SH3PXD2A: variants seen among roughly 807,000 people sequenced by gnomAD.
SH3PXD2A encodes SH3 and PX domains 2A.
SH3PXD2A carries 32 observed loss-of-function variants against 115.2 expected under a neutral mutation model. The ratio of observed to expected loss-of-function variants is 0.28; its 90% confidence interval spans 0.21 to 0.37. SH3PXD2A has a LOEUF of 0.37. Among genes scored for constraint, SH3PXD2A ranks in the 10% least tolerant of loss-of-function variants. SH3PXD2A has a pLI of 1.00. For missense variants in SH3PXD2A, 1,328 were observed against 1,498.7 expected (o/e 0.89, Z 1.88); for synonymous variants, 610 against 629.1 (o/e 0.97, Z 0.45).
chr10:103,748,975 CT>C (rs376417666), intron 3 of SH3PXD2A, among the ~76,000 whole-genome samples: 275 of 146,442 alleles, frequency 1.9e-3, no homozygotes, highest in Non-Finnish European at 1.9e-3. Context: ...TTTCTTCTTT[CT>C]TTTTTTTTTT....
intron 6 of SH3PXD2A, among the ~76,000 whole-genome samples, chr10:103,684,008 C>T (rs2037644524): frequency 6.6e-6 from 1 of 152,246 alleles, no homozygotes; most frequent in African/African-American, 2.4e-5. Flanking sequence ...GGGAGGAGGC[C>T]TGCTGCCACT....
intron 1 of SH3PXD2A, among the ~76,000 whole-genome samples, chr10:103,821,359 C>T (rs1007463190): frequency 9.9e-5 from 15 of 152,142 alleles, no homozygotes. Flanking sequence ...GAACTCCAGA[C>T]CTCAAGTGAT....
At chr10:103,731,719 C>G (rs927354922) in intron 4 of SH3PXD2A, among the ~76,000 whole-genome samples, 1 of 152,166 alleles carries the variant, frequency 6.6e-6, no homozygotes, top group East Asian at 1.9e-4. Flanking sequence ...TTACTCTCCT[C>G]AAGGGGAGAG....
At chr10:103,606,050 G>A (rs972693352) in intron 13 of SH3PXD2A, 133 bp from the exon 14 acceptor site, 1 of 812,614 alleles carries the variant, frequency 1.2e-6, no homozygotes, top group Non-Finnish European at 2.0e-6. Flanking sequence ...GCTGGCCTGA[G>A]TACGTATCTA....
intron 5 of SH3PXD2A, among the ~76,000 whole-genome samples, chr10:103,719,848 T>C (rs1304094717): frequency 6.6e-6 from 1 of 151,526 alleles, no homozygotes; most frequent in East Asian, 1.9e-4. Context: ...GCCTCCCAAG[T>C]AGCTGGGATT....
At chr10:103,789,576 C>T (rs1344955354) in intron 2 of SH3PXD2A, among the ~76,000 whole-genome samples, 1 of 152,098 alleles carries the variant, frequency 6.6e-6, no homozygotes, top group African/African-American at 2.4e-5. Flanking sequence ...CTGGCCACCA[C>T]CAAAGATCCC....
At chr10:103,673,195 A>G (rs2037486776) in intron 6 of SH3PXD2A, 1 of 152,234 alleles carries the variant, frequency 6.6e-6, no homozygotes, top group Admixed American at 6.5e-5. Flanking sequence ...AACTGTTCCC[A>G]GTGAATTACA....
intron 5 of SH3PXD2A, among the ~76,000 whole-genome samples, chr10:103,696,205 G>A (rs2037822304): frequency 6.6e-6 from 1 of 152,238 alleles, no homozygotes; most frequent in South Asian, 2.1e-4. Context: ...CCTTCAGGGT[G>A]TCTGGCCTGC....
intron 11 of SH3PXD2A, among the ~76,000 whole-genome samples, chr10:103,615,098 A>G (rs1352545929): frequency 6.6e-6 from 1 of 152,256 alleles, no homozygotes; most frequent in East Asian, 1.9e-4. Flanking sequence ...TGAGCCAACA[A>G]CTACGGCTCA....
intron 2 of SH3PXD2A, among the ~76,000 whole-genome samples, chr10:103,772,235 C>A (rs553252738): frequency 6.6e-6 from 1 of 152,320 alleles, no homozygotes; most frequent in South Asian, 2.1e-4. Context: ...GAGGGCCAGG[C>A]AGGCTGCAAA....
At chr10:103,829,238 G>A (rs1306711240) in intron 1 of SH3PXD2A, among the ~76,000 whole-genome samples, 1 of 152,148 alleles carries the variant, frequency 6.6e-6, no homozygotes, top group African/African-American at 2.4e-5. Flanking sequence ...AGACAGGGTG[G>A]GGTGCAAACA....
At chr10:103,646,547 C>G (rs1259907054) in intron 8 of SH3PXD2A, among the ~76,000 whole-genome samples, 1 of 152,148 alleles carries the variant, frequency 6.6e-6, no homozygotes, top group Non-Finnish European at 1.5e-5. Flanking sequence ...CCTCCCACCC[C>G]CAGCACCCAC....
intron 2 of SH3PXD2A, among the ~76,000 whole-genome samples, chr10:103,769,087 T>C (rs1405557243): frequency 6.6e-6 from 1 of 151,422 alleles, no homozygotes; most frequent in Non-Finnish European, 1.5e-5. Context: ...AACATAAGAC[T>C]TGGGGGGAAC....
chr10:103,814,232 G>A (rs1284704178), intron 1 of SH3PXD2A, among the ~76,000 whole-genome samples: 1 of 152,108 alleles, frequency 6.6e-6, no homozygotes, highest in Non-Finnish European at 1.5e-5. Context: ...TGGCTGTGCT[G>A]GGGCTTTCTT....
Position 103,608,262 on chromosome 10 carries a change from C to T in SH3PXD2A, c.1309-2345G>A, listed in dbSNP as rs1292803180. ...GGAGTCCCGGAAGCCGGGAGAGAGG[C>T]GGGGAACAGGTCCTCCTCCCACGCC... On this transcript the variant is annotated intron_variant, in intron 13 of 14. Coordinates refer to ENST00000369774, the MANE Select transcript of SH3PXD2A (RefSeq NM_001394015.1). Among the ~76,000 whole-genome samples the T allele has an allele frequency of 8.7e-5, 13 of 148,658 alleles. No individual in the cohort carries two copies. In the East Asian group the frequency reaches 1.6e-3, roughly 18 times the overall value.
chr10:103,764,776 T>TGG (rs2038736521), intron 3 of SH3PXD2A, among the ~76,000 whole-genome samples: 1 of 152,212 alleles, frequency 6.6e-6, no homozygotes, highest in Non-Finnish European at 1.5e-5. Flanking sequence ...AAGGGAGCCC[T>TGG]GGCCCAGGAG....
chr10:103,835,510 C>T (rs927168583), intron 1 of SH3PXD2A, among the ~76,000 whole-genome samples: 1 of 152,204 alleles, frequency 6.6e-6, no homozygotes, highest in African/African-American at 2.4e-5. Context: ...AATCTCCACA[C>T]GGTGGAGAAA....
At chr10:103,844,843 G>A (rs988335711) in intron 1 of SH3PXD2A, among the ~76,000 whole-genome samples, 1 of 152,170 alleles carries the variant, frequency 6.6e-6, no homozygotes, top group East Asian at 1.9e-4. Context: ...GGCACAAAAT[G>A]GGAATTCAAT....
intron 5 of SH3PXD2A, 120 bp from the exon 6 acceptor site, chr10:103,693,176 G>C: frequency 1.8e-6 from 1 of 549,724 alleles, no homozygotes; most frequent in Non-Finnish European, 2.9e-6. Flanking sequence ...CTCATGTGAT[G>C]CCCACGGCCG....
Sources: gnomAD v4.1 joint callset for allele counts (sites outside exome capture counted in the v4.1 genomes callset) on GRCh38, gnomAD v4.1.1 for gene constraint, MANE v1.5 for transcripts, NCBI Gene and HGNC (gene_info 2026-07-23, HGNC 2026-07-21) for gene names.